Variants in DAB1 observed in about 807,000 individuals in gnomAD.
DAB1 encodes DAB adaptor protein 1, also known as disabled homolog 1.
A neutral mutation model predicts 64.6 loss-of-function variants in DAB1; 15 were observed. The ratio of observed to expected loss-of-function variants is 0.23; its 90% CI spans 0.16 to 0.36. The LOEUF (loss-of-function observed/expected upper bound fraction) is 0.36. Among genes scored for constraint, DAB1 ranks in the 10% least tolerant of loss-of-function variants. DAB1 has a pLI of 1.00. For synonymous variants in DAB1, 235 were observed against 251.9 expected (o/e 0.93, Z 0.64); for missense variants, 596 against 706.7 (o/e 0.84, Z 1.78).
intron 7 of DAB1, among the ~76,000 whole-genome samples, chr1:57,432,540 C>T (rs1685554810): frequency 6.6e-6 from 1 of 152,088 alleles, no homozygotes; most frequent in African/African-American, 2.4e-5. Context: ...GCTACAGAAA[C>T]CCATTCCATG....
At chr1:57,459,551 A>C (rs1010157343) in intron 7 of DAB1, among the ~76,000 whole-genome samples, 1 of 152,154 alleles carries the variant, frequency 6.6e-6, no homozygotes, top group African/African-American at 2.4e-5. Context: ...TGTATTCTTA[A>C]TATTCTCTTA....
chr1:58,414,307 A>G (rs1427612596), intron 3 of DAB1, among the ~76,000 whole-genome samples: 1 of 152,204 alleles, frequency 6.6e-6, no homozygotes, highest in African/African-American at 2.4e-5. Context: ...CAGCTCAGGT[A>G]CCATCATCCT....
chr1:57,927,753 A>G (rs1489975835), intron 5 of DAB1, among the ~76,000 whole-genome samples: 1 of 152,202 alleles, frequency 6.6e-6, no homozygotes, highest in Non-Finnish European at 1.5e-5. Flanking sequence ...CAGGCTTCCA[A>G]TATGACCATT....
rs1235442037 is a variant in DAB1, at chr1:57,839,455, AT to A, written n.88-13001del. Among the ~76,000 whole-genome samples the A allele has an allele frequency of 2.0e-5, 3 of 152,316 alleles. No individual in the cohort carries two copies. The South Asian group carries it at 6.2e-4, about 32-fold the overall frequency. On this transcript the variant is annotated intron_variant and non_coding_transcript_variant, in intron 1 of 1. Coordinates refer to the DAB1 transcript ENST00000477280. ...TGGAACAACTGTATTTATAATTAGT[AT>A]TTTTTGTCATTTAAAGTTCACCAGA...
chr1:57,237,584 G>A (rs974121262), intron 2 of DAB1, among the ~76,000 whole-genome samples: 6 of 152,108 alleles, frequency 3.9e-5, no homozygotes, highest in African/African-American at 1.4e-4. Flanking sequence ...TACTCTAAGC[G>A]AAAATACAAT....
chr1:58,203,540 T>C (rs962598829), intron 4 of DAB1, among the ~76,000 whole-genome samples: 3 of 152,218 alleles, frequency 2.0e-5, no homozygotes, highest in African/African-American at 7.2e-5. Context: ...CTTTCTGTCA[T>C]AGTGGTTCTC....
rs1645667513 is a variant in DAB1 at position 56,997,374 on chromosome 1, A to C, written c.*770T>G. Reference sequence around the variant, plus strand: ...AAGCTGTCTTTCTTCACCAGGATGCAGAATAGCTAAAGGACTGTTTTGGCA... The same window carrying C: ...AAGCTGTCTTTCTTCACCAGGATGCCGAATAGCTAAAGGACTGTTTTGGCA... On this transcript the variant is annotated 3_prime_UTR_variant, in exon 15 of 15. Transcript: ENST00000371236. The C allele has an allele frequency of 1.3e-5, 2 of 152,224 alleles. No individual in the cohort carries two copies. The highest frequency in any genetic ancestry group is 4.8e-5 in the African/African-American group (2 of 41,454). 9.4% of individuals were successfully genotyped at this position (152,224 alleles called of 1,614,324 possible).
At position 57,867,620 on chromosome 1, in the gene DAB1, T is replaced by G. The variant is rs140552529; in HGVS notation, n.87+16379A>C. ...TACAATTTTCTGAGTGCTTGCTTTG[T>G]GCTAGGTGTGGCCACGTTGCCTCTC... is the stretch of plus-strand genomic sequence containing the variant. On this transcript the variant is annotated intron_variant and non_coding_transcript_variant, in intron 1 of 1. Coordinates refer to the DAB1 transcript ENST00000477280. Among the ~76,000 whole-genome samples the G allele has an allele frequency of 7.2e-3, 1,091 of 152,272 alleles. 11 individuals carry two copies. Among genetic ancestry groups the G allele is most frequent in the African/African-American group, 0.025 (1,053 of 41,556 alleles).
chr1:57,103,507 A>C (rs1654867451), intron 4 of DAB1, among the ~76,000 whole-genome samples: 1 of 152,138 alleles, frequency 6.6e-6, no homozygotes, highest in Non-Finnish European at 1.5e-5. Context: ...ACCCTTTGCA[A>C]AGTACCTAGA....
At chr1:57,133,602 G>A (rs1657817237) in intron 4 of DAB1, among the ~76,000 whole-genome samples, 1 of 152,176 alleles carries the variant, frequency 6.6e-6, no homozygotes, top group Middle Eastern at 3.2e-3. Flanking sequence ...CTCACATAAG[G>A]ATTGGGATCA....
chr1:58,363,668 T>C (rs1483857768), intron 3 of DAB1, among the ~76,000 whole-genome samples: 1 of 152,232 alleles, frequency 6.6e-6, no homozygotes, highest in Non-Finnish European at 1.5e-5. Flanking sequence ...ACTGTGTCCA[T>C]GCATAATTAA....
At chr1:57,827,216 C>T (rs557064169) in intron 1 of DAB1, among the ~76,000 whole-genome samples, 14 of 152,284 alleles carry the variant, frequency 9.2e-5, no homozygotes, top group Non-Finnish European at 1.9e-4. Context: ...ACCTGCCCTT[C>T]TCCTATAGGA....
chr1:57,163,872 C>CCTAATA (rs1159045712), intron 2 of DAB1, among the ~76,000 whole-genome samples: 36 of 152,212 alleles, frequency 2.4e-4, no homozygotes, highest in Non-Finnish European at 4.7e-4. Context: ...GCATCAAAAG[C>CCTAATA]CAAGAGAACC....
chr1:57,740,310 G>A (rs906794805), intron 6 of DAB1, among the ~76,000 whole-genome samples: 1 of 152,118 alleles, frequency 6.6e-6, no homozygotes, highest in Non-Finnish European at 1.5e-5. Context: ...AAATATTGGG[G>A]TAGTAGACAA....
intron 7 of DAB1, among the ~76,000 whole-genome samples, chr1:57,486,974 A>G (rs941657004): frequency 3.3e-5 from 5 of 152,150 alleles, no homozygotes; most frequent in African/African-American, 9.7e-5. Flanking sequence ...AAAAAAGAAA[A>G]AAAAACAACG....
intron 4 of DAB1, among the ~76,000 whole-genome samples, chr1:57,135,680 T>A (rs1266446794): frequency 1.3e-5 from 2 of 152,192 alleles, no homozygotes; most frequent in African/African-American, 4.8e-5. Context: ...CCTTATGTTA[T>A]CTTCATACTA....
chr1:58,037,911 A>G (rs1397168205), intron 5 of DAB1, among the ~76,000 whole-genome samples: 1 of 152,078 alleles, frequency 6.6e-6, no homozygotes, highest in Non-Finnish European at 1.5e-5. Context: ...TTTTTAAGCT[A>G]GGTGTTAATG....
At chr1:57,400,367 T>C (rs545400192) in intron 1 of DAB1, among the ~76,000 whole-genome samples, 1 of 152,286 alleles carries the variant, frequency 6.6e-6, no homozygotes, top group South Asian at 2.1e-4. Flanking sequence ...AAATTTTGCG[T>C]GGCACATAAC....
chr1:57,198,690 C>CACAG (rs1553155120), intron 2 of DAB1, among the ~76,000 whole-genome samples: 3 of 140,486 alleles, frequency 2.1e-5, no homozygotes, highest in Non-Finnish European at 4.8e-5. Context: ...CACACACACA[C>CACAG]CCATCAACTT....
Sources: allele counts gnomAD v4.1 joint callset (sites outside exome capture counted in the v4.1 genomes callset), GRCh38; gene constraint gnomAD v4.1.1; transcripts MANE v1.5; gene names NCBI Gene and HGNC (gene_info 2026-07-23, HGNC 2026-07-21).